SNRPG: variants seen among roughly 807,000 people sequenced by gnomAD.
The protein encoded by SNRPG is small nuclear ribonucleoprotein G.
A neutral mutation model predicts 13.9 loss-of-function variants in SNRPG; 3 were observed. That is an observed-to-expected ratio of 0.22 (90% confidence interval 0.10 to 0.56). SNRPG has a LOEUF of 0.56. SNRPG is among the 20% of genes least tolerant of loss of function. The pLI, the probability that SNRPG is intolerant of heterozygous loss-of-function variation, is 0.93. For missense variants in SNRPG, 34 were observed against 96.1 expected (o/e 0.35, Z 2.70); for synonymous variants, 29 against 29.3 (o/e 0.99, Z 0.03).
At chr2:70,292,181 C>G (rs1024556412) in intron 1 of SNRPG, among the ~76,000 whole-genome samples, 2 of 151,994 alleles carry the variant, frequency 1.3e-5, no homozygotes, top group East Asian at 3.9e-4. Flanking sequence ...CTCCTGACCT[C>G]GTGATCCGCC....
intron 1 of SNRPG, 68 bp downstream of exon 1, chr2:70,293,550 G>A (rs1045345339): frequency 3.0e-5 from 39 of 1,307,968 alleles, no homozygotes; most frequent in Non-Finnish European, 4.0e-5. Context: ...GGCTAACGGA[G>A]AGGGAACCAA....
rs763161158 is a variant in SNRPG, at chr2:70,293,652, T to C, written c.-3A>G. The C allele has an allele frequency of 1.2e-6, 2 of 1,614,094 alleles. No homozygotes were observed. Among genetic ancestry groups the C allele is most frequent in the South Asian group, 1.1e-5 (1 of 91,072 alleles). On this transcript the variant is annotated 5_prime_UTR_variant, in exon 1 of 4. Coordinates refer to ENST00000272348, the MANE Select transcript of SNRPG (RefSeq NM_003096.4). ...TCGGGAGGGTGAGCTTTGCTCATGG[T>C]GTATACTCCGCGGGCTCACAGATGC...
chr2:70,291,956 T>TTG (rs1697109337), intron 1 of SNRPG, among the ~76,000 whole-genome samples: 1 of 151,030 alleles, frequency 6.6e-6, no homozygotes, highest in Non-Finnish European at 1.5e-5. Context: ...CTATTTTTTT[T>TTG]TTTTTTTTTG....
At chr2:70,285,732 C>T (rs766895938) in intron 3 of SNRPG, among the ~76,000 whole-genome samples, 3 of 152,152 alleles carry the variant, frequency 2.0e-5, no homozygotes, top group Non-Finnish European at 4.4e-5. Flanking sequence ...CAAACTTGAA[C>T]CATCAGGTCC....
chr2:70,292,937 T>G (rs1697138989), intron 1 of SNRPG: 2 of 571,708 alleles, frequency 3.5e-6, no homozygotes, highest in Non-Finnish European at 3.1e-6. Flanking sequence ...AAGGCTCTCC[T>G]ACTTAAAGTT....
chr2:70,287,751 A>T, intron 3 of SNRPG: 1 of 426,864 alleles, frequency 2.3e-6, no homozygotes, highest in Non-Finnish European at 4.2e-6. Context: ...CTGGGGATTC[A>T]TATACACATT....
chr2:70,293,694 C>A lies in SNRPG; in HGVS notation c.-45G>T. On this transcript the variant is annotated 5_prime_UTR_variant, in exon 1 of 4. Coordinates refer to ENST00000272348, the MANE Select transcript of SNRPG (RefSeq NM_003096.4). The stretch of plus-strand genomic sequence containing the variant: ...CACAGATGCCTTGGAACGCAACGCA[C>A]GGCTTTCCTCACGCTCCCGCTGTAG... 6.3e-7 allele frequency: 1 copy of A among 1,590,566 alleles called. No individual in the cohort carries two copies. Among genetic ancestry groups the A allele is most frequent in the Non-Finnish European group, 8.6e-7 (1 of 1,158,554 alleles).
At chr2:70,292,033 C>T (rs1258499134) in intron 1 of SNRPG, among the ~76,000 whole-genome samples, 1 of 151,194 alleles carries the variant, frequency 6.6e-6, no homozygotes, top group African/African-American at 2.4e-5. Flanking sequence ...CTGCAAGCTC[C>T]GCCTCCCGGG....
chr2:70,281,730 G>T, intron 3 of SNRPG, 46 bp from the exon 4 acceptor site: 2 of 991,050 alleles, frequency 2.0e-6, no homozygotes, highest in South Asian at 1.4e-5. Context: ...TCAGGTAACA[G>T]ACATAACTAT....
rs751545987 is a variant in SNRPG, at chr2:70,288,221, A to G, written c.56-29T>C. 5.0e-6 allele frequency: 8 copies of G among 1,596,936 alleles called. No homozygotes were observed. In the South Asian group the frequency reaches 5.5e-5, roughly 11 times the overall value. On this transcript the variant is annotated intron_variant, in intron 2 of 3. Coordinates refer to ENST00000272348, the MANE Select transcript of SNRPG (RefSeq NM_003096.4). ...TTAAAAAGAGAAAAAGAAGTTTTAG[A>G]AAAACATTCCATTAGCTACCAAGCA...
intron 3 of SNRPG, among the ~76,000 whole-genome samples, chr2:70,286,287 C>T (rs894427919): frequency 2.0e-5 from 3 of 152,180 alleles, no homozygotes; most frequent in Non-Finnish European, 4.4e-5. Flanking sequence ...CAATGGATCA[C>T]TGACTTGGAC....
At chr2:70,288,003 G>A in intron 3 of SNRPG, 65 bp downstream of exon 3, 1 of 1,507,956 alleles carries the variant, frequency 6.6e-7, no homozygotes. Flanking sequence ...TACTAACCAG[G>A]AAAGTTAATA....
Position 70,283,096 on chromosome 2 carries a change from C to CAAAAAAAAAAA in SNRPG, c.181-1423_181-1413dup, listed in dbSNP as rs57862220. On this transcript the variant is annotated intron_variant, in intron 3 of 3. Transcript: ENST00000272348. Reference sequence around the variant, plus strand: ...GGCAACGAGCGAAACTGTCTTTTGTCAAAAAAAAAAAAAAAAAAAAAAAAA... The same window carrying CAAAAAAAAAAA: ...GGCAACGAGCGAAACTGTCTTTTGTCAAAAAAAAAAAAAAAAAAAAAAAAAAAAAAAAAAAA... Among the ~76,000 whole-genome samples the CAAAAAAAAAAA allele has an allele frequency of 2.3e-3, 32 of 14,034 alleles. 2 individuals are homozygous for CAAAAAAAAAAA. The highest frequency in any genetic ancestry group is 8.9e-3 in the African/African-American group (26 of 2,936). The allele number at this position is 14,034 out of a possible 152,430, so 9.2% of individuals were successfully genotyped here.
chr2:70,290,007 T>TC (rs1488275770), intron 1 of SNRPG, among the ~76,000 whole-genome samples: 1 of 150,072 alleles, frequency 6.7e-6, no homozygotes, highest in African/African-American at 2.4e-5. Context: ...TTTCTTTCTT[T>TC]TTTTTTTTTT....
chr2:70,281,882 A>G (rs905223820), intron 3 of SNRPG, among the ~76,000 whole-genome samples, 198 bp from the exon 4 acceptor site: 8 of 152,078 alleles, frequency 5.3e-5, no homozygotes, highest in African/African-American at 9.7e-5. Flanking sequence ...AAGGCTAACA[A>G]TTTGCTTTAT....
At chr2:70,291,721 C>T (rs145923992) in intron 1 of SNRPG, among the ~76,000 whole-genome samples, 1 of 151,686 alleles carries the variant, frequency 6.6e-6, no homozygotes, top group South Asian at 2.1e-4. Flanking sequence ...ATGAAACCTA[C>T]GAGGAAGAGA....
rs560407173 is a variant in SNRPG at position 70,293,692 on chromosome 2, C to G, written c.-43G>C. 1.2e-6 allele frequency: 2 copies of G among 1,600,012 alleles called. No homozygotes were observed. The highest frequency in any genetic ancestry group is 1.7e-6 in the Non-Finnish European group (2 of 1,167,166). ...CTCACAGATGCCTTGGAACGCAACG[C>G]ACGGCTTTCCTCACGCTCCCGCTGT... On this transcript the variant is annotated 5_prime_UTR_variant, in exon 1 of 4. Transcript: ENST00000272348.
Position 70,288,049 on chromosome 2 carries a change from C to T in SNRPG, c.180+19G>A. The T allele has an allele frequency of 6.8e-6, 11 of 1,609,772 alleles. No individual in the cohort carries two copies. The highest frequency in any genetic ancestry group is 9.3e-6 in the Non-Finnish European group (11 of 1,177,944). On this transcript the variant is annotated intron_variant, in intron 3 of 3. Transcript: ENST00000272348. ...AAGAAAAATGAAATCTCCAAGAGAA[C>T]TCTTGTATCTTTACTTACCACCATT...
At chr2:70,283,744 A>G (rs757573751) in intron 3 of SNRPG, among the ~76,000 whole-genome samples, 18 of 152,210 alleles carry the variant, frequency 1.2e-4, no homozygotes, top group Non-Finnish European at 2.6e-4. Flanking sequence ...AATGAGTATG[A>G]TAAGGTAGTA....
Sources: allele counts gnomAD v4.1 joint callset (sites outside exome capture counted in the v4.1 genomes callset), GRCh38; gene constraint gnomAD v4.1.1; transcripts MANE v1.5; gene names NCBI Gene and HGNC (gene_info 2026-07-23, HGNC 2026-07-21).